Variants in C2orf81 observed in about 807,000 individuals in gnomAD.
C2orf81 encodes the protein chromosome 2 open reading frame 81, also known as uncharacterized protein C2orf81.
In C2orf81, 5 loss-of-function variants were observed where a neutral mutation model predicts 7.9. The observed-to-expected ratio is 0.63, with a 90% confidence interval of 0.33 to 1.33. The LOEUF is 1.33. Among genes scored for constraint, C2orf81 ranks in the 40% most tolerant of loss-of-function variants. The pLI is 0.05. For missense variants in C2orf81, 781 were observed against 830.4 expected (o/e 0.94, Z 0.73); for synonymous variants, 346 against 367.4 (o/e 0.94, Z 0.66).
chr2:74,417,998 A>C, intron 1 of C2orf81: 1 of 465,356 alleles, frequency 2.1e-6, no homozygotes, highest in Non-Finnish European at 4.1e-6. Context: ...TGTGGTGGTG[A>C]AGGTGCAGGT....
chr2:74,414,179 G>A lies in C2orf81; in HGVS notation c.*150C>T, dbSNP rs1192108731. 6 of 730,988 alleles carry A rather than the reference G, an allele frequency of 8.2e-6. No homozygotes were observed. The allele number at this position is 730,988 out of a possible 1,614,324, so 45.3% of individuals were successfully genotyped here. On this transcript the variant is annotated 3_prime_UTR_variant, in exon 3 of 3. Coordinates refer to ENST00000684111, the MANE Select transcript of C2orf81 (RefSeq NM_001316764.3). The surrounding 1 kb of genome is among the most constrained non-coding windows in gnomAD (Gnocchi z 5.3). ...GAAACTGACAAGAGACATCAGACTA[G>A]TTCCTAAGGCAACTCAGGTGTTTAT... is the stretch of plus-strand genomic sequence containing the variant.
intron 1 of C2orf81, among the ~76,000 whole-genome samples, chr2:74,420,340 TACAA>T (rs1302710327): frequency 2.6e-5 from 4 of 151,922 alleles, no homozygotes; most frequent in Non-Finnish European, 5.9e-5. Flanking sequence ...ATAAAAAGTT[TACAA>T]ACAATCTCTT....
At position 74,415,448 on chromosome 2, in the gene C2orf81, C is replaced by G. The variant is rs1216726446; in HGVS notation, c.729G>C (p.Ala243=). ...EAGPGGPVEE[A]DGQSRGLSSA... is the part of the protein sequence containing the mutation. The stretch of plus-strand genomic sequence containing the variant: ...AGGAGAGGCCTCTAGACTGGCCGTC[C>G]GCTTCCTCTACAGGACCTCCGGGCC... The change falls in exon 3 of 3, where the codon GCG becomes GCC. Residue 243 remains alanine, a synonymous_variant. Coordinates refer to ENST00000684111, the MANE Select transcript of C2orf81 (RefSeq NM_001316764.3). This position sits in a 1 kb window ranked among gnomAD's most constrained non-coding sequence, Gnocchi z 5.5. The G allele has an allele frequency of 2.0e-6, 3 of 1,534,170 alleles. No individual in the cohort carries two copies. The highest frequency in any genetic ancestry group is 4.0e-5 in the Admixed American group (2 of 50,220).
chr2:74,417,576 C>T lies in C2orf81; in HGVS notation c.19-1335G>A, dbSNP rs189773586. ...GGAAGGATGAAAGGTGTGAGCCTCA[C>T]GTGGTGACAAAGACAGTTTGGCTGG... is the stretch of plus-strand genomic sequence containing the variant. On this transcript the variant is annotated intron_variant, in intron 1 of 2. Coordinates refer to ENST00000684111, the MANE Select transcript of C2orf81 (RefSeq NM_001316764.3). 1,739 of 1,083,016 alleles carry T rather than the reference C, an allele frequency of 1.6e-3. 2 individuals carry two copies. The highest frequency in any genetic ancestry group is 1.9e-3 in the Non-Finnish European group (1,573 of 813,198). 67.1% of individuals were successfully genotyped at this position (1,083,016 alleles called of 1,614,324 possible). A position where few individuals can be genotyped will look rare whatever the true frequency, so the allele number is the denominator to read the frequency against.
intron 1 of C2orf81, among the ~76,000 whole-genome samples, chr2:74,419,997 A>G (rs1298701716): frequency 1.3e-5 from 2 of 152,186 alleles, no homozygotes; most frequent in Admixed American, 6.5e-5. Flanking sequence ...CTGGTCTTGA[A>G]CTGGCCTCAA....
At chr2:74,417,610 TG>T in intron 1 of C2orf81, 3 of 1,036,132 alleles carry the variant, frequency 2.9e-6, no homozygotes, top group African/African-American at 1.7e-5. Context: ...GGGGGAATCC[TG>T]GGGGCCAGCA....
At chr2:74,418,389 C>A in intron 1 of C2orf81, 2 of 1,591,626 alleles carry the variant, frequency 1.3e-6, no homozygotes, top group Non-Finnish European at 1.7e-6. Flanking sequence ...CAGTGCCGTC[C>A]TTTTTCTGCT....
chr2:74,418,389 CTTT>C, intron 1 of C2orf81: 1 of 1,591,626 alleles, frequency 6.3e-7, no homozygotes, highest in Non-Finnish European at 8.6e-7. Context: ...CAGTGCCGTC[CTTT>C]TTCTGCTTGG....
chr2:74,414,445 GGT>G lies in C2orf81; in HGVS notation c.1730_1731del (p.Asn577ThrfsTer13). 6.4e-7 allele frequency: 1 copy of G among 1,551,260 alleles called. No homozygotes were observed. The highest frequency in any genetic ancestry group is 2.4e-5 in the East Asian group (1 of 40,916). ...LKLAPGVSMWNRSTQVLLSSG... is the reference protein window; with the variant it reads ...LKLAPGVSMWXRSTQVLLSSG... ...GAGCTGAGCAACACCTGGGTGCTCC[GGT>G]TCCACATGCTCACACCAGGGGCCAG... is the stretch of plus-strand genomic sequence containing the variant. On this transcript the variant is annotated frameshift_variant, in exon 3 of 3. Transcript: ENST00000684111. LOFTEE classifies it low-confidence loss of function (END_TRUNC). This position sits in a 1 kb window ranked among gnomAD's most constrained non-coding sequence, Gnocchi z 5.3.
In C2orf81 at chr2:74,414,345, G is replaced by A; in HGVS notation, c.1832C>T (p.Ala611Val). The A allele has an allele frequency of 6.7e-7, 1 of 1,486,378 alleles. No homozygotes were observed. The allele number at this position is 1,486,378 out of a possible 1,614,324, so 92.1% of individuals were successfully genotyped here. ...PVEQHPIQTGAPKPR is the reference protein window; with the variant it reads ...PVEQHPIQTGVPKPR ...GTGCTACGGTCACCTGGGCTTTGGG[G>A]CACCTGTCTGGATGGGATGTTGCTC... is the stretch of plus-strand genomic sequence containing the variant. The change falls in exon 3 of 3, where the codon GCC (alanine) becomes GTC (valine). Residue 611 changes from alanine to valine, a missense_variant. Coordinates refer to ENST00000684111, the MANE Select transcript of C2orf81 (RefSeq NM_001316764.3). This position sits in a 1 kb window ranked among gnomAD's most constrained non-coding sequence, Gnocchi z 5.3.
chr2:74,415,658 G>C lies in C2orf81; in HGVS notation c.519C>G (p.Leu173=). The C allele has an allele frequency of 1.9e-6, 3 of 1,551,266 alleles. No homozygotes were observed. The highest frequency in any genetic ancestry group is 2.6e-6 in the Non-Finnish European group (3 of 1,146,990). The change falls in exon 3 of 3, where the codon CTC becomes CTG. Residue 173 remains leucine (L), a synonymous_variant. Transcript: ENST00000684111. This position sits in a 1 kb window ranked among gnomAD's most constrained non-coding sequence, Gnocchi z 5.5. ...SPDSSAIAPA[L]PFPTSHCPSA... ...TCGGGCAGTGAGATGTCGGAAAGGG[G>C]AGAGCAGGAGCAATGGCAGAGGAGT... is the stretch of plus-strand genomic sequence containing the variant.
At position 74,414,337 on chromosome 2, in the gene C2orf81, G is replaced by T; in HGVS notation, c.1840C>A (p.Pro614Thr). 6.7e-7 allele frequency: 1 copy of T among 1,483,792 alleles called. No homozygotes were observed. Among genetic ancestry groups the T allele is most frequent in the Non-Finnish European group, 9.0e-7 (1 of 1,109,900 alleles). The allele number at this position is 1,483,792 out of a possible 1,614,324, so 91.9% of individuals were successfully genotyped here. ...QHPIQTGAPKPR is the reference protein window; with the variant it reads ...QHPIQTGAPKTR Reference sequence around the variant, plus strand: ...CATTAGCTGTGCTACGGTCACCTGGGCTTTGGGGCACCTGTCTGGATGGGA... The same window carrying T: ...CATTAGCTGTGCTACGGTCACCTGGTCTTTGGGGCACCTGTCTGGATGGGA... The change falls in exon 3 of 3, where the codon CCC becomes ACC. Residue 614 changes from proline (P) to threonine (T), a missense_variant. Transcript: ENST00000684111. This position sits in a 1 kb window ranked among gnomAD's most constrained non-coding sequence, Gnocchi z 5.3.
Position 74,415,838 on chromosome 2 carries a change from T to G in C2orf81, c.339A>C (p.Ala113=). The stretch of plus-strand genomic sequence containing the variant: ...CACCCCATGTGGGGTCCTCAGCTAC[T>G]GCAGATTCTCCCTCGTCCCGGGCCA... The part of the protein sequence containing the change: ...RFLARDEGES[A]VAEDPTWGED... Residue 113 remains alanine, a synonymous_variant, in exon 3 of 3, where the codon GCA becomes GCC. Transcript: ENST00000684111. This position sits in a 1 kb window ranked among gnomAD's most constrained non-coding sequence, Gnocchi z 5.5. 3 of 1,551,632 alleles carry G rather than the reference T, an allele frequency of 1.9e-6. No homozygotes were observed. The South Asian group carries it at 3.6e-5, about 18-fold the overall frequency.
chr2:74,414,834 G>A lies in C2orf81; in HGVS notation c.1343C>T (p.Ser448Leu), dbSNP rs1019269683. 6.4e-7 allele frequency: 1 copy of A among 1,551,424 alleles called. No individual in the cohort carries two copies. Among genetic ancestry groups the A allele is most frequent in the Non-Finnish European group, 8.7e-7 (1 of 1,146,772 alleles). The part of the protein sequence containing the change: ...RPGIPFRDLD[S>L]GPALLFPTLN... ...AGTGGGGAACAGGAGTGCGGGGCCC[G>A]AGTCCAAGTCACGGAAAGGAATGCC... Residue 448 changes from serine to leucine, a missense_variant, in exon 3 of 3, where the codon TCG (serine) becomes TTG (leucine). By Grantham distance (145) the Ser-to-Leu change is moderately radical. Coordinates refer to ENST00000684111, the MANE Select transcript of C2orf81 (RefSeq NM_001316764.3). The surrounding 1 kb of genome is among the most constrained non-coding windows in gnomAD (Gnocchi z 5.3).
intron 1 of C2orf81, chr2:74,417,540 A>G (rs370191070): frequency 7.0e-5 from 79 of 1,121,952 alleles, no homozygotes; most frequent in South Asian, 6.1e-4. Context: ...TGCAGGGACT[A>G]GGGAAGGTGG....
chr2:74,415,327 G>C lies in C2orf81; in HGVS notation c.850C>G (p.Pro284Ala). The C allele has an allele frequency of 6.5e-7, 1 of 1,543,398 alleles. No homozygotes were observed. Among genetic ancestry groups the C allele is most frequent in the Non-Finnish European group, 8.8e-7 (1 of 1,142,136 alleles). The change falls in exon 3 of 3, where the codon CCC (proline) becomes GCC (alanine). Residue 284 changes from proline (P) to alanine (A), a missense_variant. Physicochemically the swap from Pro to Ala is conservative, Grantham distance 27. Coordinates refer to ENST00000684111, the MANE Select transcript of C2orf81 (RefSeq NM_001316764.3). This position sits in a 1 kb window ranked among gnomAD's most constrained non-coding sequence, Gnocchi z 5.5. ...TGTCCCCTCCCAGTTGAGGCCTGGGGGCTGGCTACCAGGTACGGATCCAGA... is the reference window on the plus strand; with the variant it reads ...TGTCCCCTCCCAGTTGAGGCCTGGGCGCTGGCTACCAGGTACGGATCCAGA... ...PSLDPYLVAS[P>A]QASTGRGHPL...
At chr2:74,421,167 T>C (rs1364453543) in intron 1 of C2orf81, among the ~76,000 whole-genome samples, 1 of 152,252 alleles carries the variant, frequency 6.6e-6, no homozygotes, top group African/African-American at 2.4e-5. Flanking sequence ...TATTTCTTCC[T>C]CTTGAAATTC....
At chr2:74,417,132 A>G (rs984665891) in intron 1 of C2orf81, among the ~76,000 whole-genome samples, 3 of 152,246 alleles carry the variant, frequency 2.0e-5, no homozygotes, top group Non-Finnish European at 2.9e-5. Context: ...GCAATGACAG[A>G]TGTCAAAGAA....
In C2orf81 at chr2:74,414,373, C is replaced by T. The variant is rs368552864; in HGVS notation, c.1804G>A (p.Val602Ile). The change falls in exon 3 of 3, where the codon GTT becomes ATT. Residue 602 changes from valine (V) to isoleucine (I), a missense_variant. By Grantham distance (29) the Val-to-Ile change is conservative (BLOSUM62 3). Transcript: ENST00000684111. The surrounding 1 kb of genome is among the most constrained non-coding windows in gnomAD (Gnocchi z 5.3). ...CCTGTCTGGATGGGATGTTGCTCAA[C>T]GGGAGGAAAGGTGCTACCTTCTTTG... ...EDKEGSTFPP[V>I]EQHPIQTGAP... 6.2e-5 allele frequency: 94 copies of T among 1,517,356 alleles called. No homozygotes were observed. The highest frequency in any genetic ancestry group is 5.7e-4 in the South Asian group (45 of 79,198). 94.0% of individuals were successfully genotyped at this position (1,517,356 alleles called of 1,614,324 possible). A position where few individuals can be genotyped will look rare whatever the true frequency, so the allele number is the denominator to read the frequency against.
Sources: allele counts gnomAD v4.1 joint callset (sites outside exome capture counted in the v4.1 genomes callset), GRCh38; gene constraint gnomAD v4.1.1; non-coding constraint Gnocchi (gnomAD v3.1); transcripts MANE v1.5; gene names NCBI Gene and HGNC (gene_info 2026-07-23, HGNC 2026-07-21).